The following TCF4 variants were observed in gnomAD, a reference collection of about 807,000 sequenced individuals.
The protein encoded by TCF4 is transcription factor 4, also known as SL3-3 enhancer factor 2.
Under a neutral mutation model 82.1 loss-of-function variants are expected in TCF4, and 3 were observed. That is an observed-to-expected ratio of 0.04 (90% CI 0.02 to 0.09). The LOEUF (loss-of-function observed/expected upper bound fraction) is 0.09, where lower values mean the gene tolerates loss of function less well. Among genes scored for constraint, TCF4 ranks in the 10% least tolerant of loss-of-function variants. TCF4 has a pLI of 1.00. For synonymous variants in TCF4, 276 were observed against 309.6 expected, an observed-to-expected ratio of 0.89 and a Z score of 1.14; for missense variants, 518 against 852.7, an observed-to-expected ratio of 0.61 and a Z score of 4.89.
intron 5 of TCF4, among the ~76,000 whole-genome samples, chr18:55,430,525 G>A (rs2095155844): frequency 6.6e-6 from 1 of 152,116 alleles, no homozygotes; most frequent in South Asian, 2.1e-4. Flanking sequence ...AGATACATGG[G>A]TGACCCAAGA....
intron 6 of TCF4, among the ~76,000 whole-genome samples, chr18:55,390,448 C>T (rs956831899): frequency 6.6e-6 from 1 of 151,678 alleles, no homozygotes; most frequent in African/African-American, 2.4e-5. Context: ...CTACTGAACA[C>T]AGAAAGTCAG....
chr18:55,485,306 T>C (rs1182098269), intron 3 of TCF4, among the ~76,000 whole-genome samples: 5 of 152,118 alleles, frequency 3.3e-5, no homozygotes, highest in Non-Finnish European at 7.4e-5. Context: ...GCTGAAAACA[T>C]CCTAAAATAA....
At chr18:55,349,753 G>A (rs2081953949) in intron 8 of TCF4, among the ~76,000 whole-genome samples, 2 of 151,918 alleles carry the variant, frequency 1.3e-5, no homozygotes, top group Admixed American at 6.6e-5. Flanking sequence ...GGACCTGGGG[G>A]TGGGTGGGGG....
intron 3 of TCF4, among the ~76,000 whole-genome samples, chr18:55,574,024 G>A (rs1424266764): frequency 2.0e-5 from 3 of 151,994 alleles, no homozygotes; most frequent in East Asian, 3.9e-4. Context: ...AGAAGTAAAT[G>A]AGTACCATCT....
intron 3 of TCF4, among the ~76,000 whole-genome samples, chr18:55,504,856 G>A (rs946545523): frequency 2.0e-5 from 3 of 152,032 alleles, no homozygotes; most frequent in Non-Finnish European, 4.4e-5. Context: ...CAGAAAAACC[G>A]TAATTCAAAT....
chr18:55,635,918 A>T, exon 1 of TCF4: 1 of 1,574,994 alleles, frequency 6.3e-7, no homozygotes, highest in Non-Finnish European at 8.6e-7. Flanking sequence ...CTTTGGCCGC[A>T]TAAGTGCCAA....
chr18:55,434,298 T>C (rs1005369257), intron 5 of TCF4, among the ~76,000 whole-genome samples: 1 of 152,216 alleles, frequency 6.6e-6, no homozygotes, highest in African/African-American at 2.4e-5. Flanking sequence ...ATGTAGAATT[T>C]TTTTGTTTGC....
chr18:55,422,625 T>C, intron 5 of TCF4: 1 of 302,924 alleles, frequency 3.3e-6, no homozygotes, highest in Non-Finnish European at 4.8e-6. Context: ...TTAGTGTGTG[T>C]GTGTGTTTTT....
At chr18:55,414,242 A>G (rs548647549) in intron 5 of TCF4, among the ~76,000 whole-genome samples, 20 of 152,352 alleles carry the variant, frequency 1.3e-4, no homozygotes, top group Admixed American at 3.3e-4. Flanking sequence ...ACTATTAAGT[A>G]AAAATTTATA....
chr18:55,444,586 G>T (rs2095494443), intron 5 of TCF4, among the ~76,000 whole-genome samples: 7 of 152,120 alleles, frequency 4.6e-5, no homozygotes, highest in Admixed American at 4.6e-4. Flanking sequence ...AGTATTTCAG[G>T]CTGACAGCTA....
chr18:55,507,559 G>A (rs573051815), intron 3 of TCF4, among the ~76,000 whole-genome samples: 32 of 152,032 alleles, frequency 2.1e-4, no homozygotes, highest in African/African-American at 7.7e-4. Flanking sequence ...AAGGGGGGCG[G>A]GGGGACTACT....
chr18:55,235,210 G>A (rs1486003986), intron 15 of TCF4, among the ~76,000 whole-genome samples: 2 of 151,882 alleles, frequency 1.3e-5, no homozygotes, highest in Non-Finnish European at 2.9e-5. Context: ...CACAGCCTCT[G>A]CTTGGTACAA....
intron 3 of TCF4, among the ~76,000 whole-genome samples, chr18:55,505,341 A>G (rs2096742667): frequency 6.6e-6 from 1 of 152,226 alleles, no homozygotes; most frequent in South Asian, 2.1e-4. Flanking sequence ...TTATTATATT[A>G]CTATCAACAA....
intron 11 of TCF4, chr18:55,267,227 T>C (rs2059386306): frequency 6.6e-6 from 1 of 152,194 alleles, no homozygotes; most frequent in South Asian, 2.1e-4. Flanking sequence ...TTGCCAATTA[T>C]TTAATTAGCT....
chr18:55,317,533 G>A (rs1285430649), intron 8 of TCF4, among the ~76,000 whole-genome samples: 1 of 151,758 alleles, frequency 6.6e-6, no homozygotes, highest in African/African-American at 2.4e-5. Flanking sequence ...GTGAGGTTTG[G>A]GGGGAAAAAA....
At chr18:55,616,577 A>C (rs571815956) in intron 2 of TCF4, among the ~76,000 whole-genome samples, 68 of 152,212 alleles carry the variant, frequency 4.5e-4, no homozygotes, top group African/African-American at 1.4e-3. Context: ...TTACCATCCC[A>C]CCAACAGTGC....
At chr18:55,488,320 A>T (rs2096539140) in intron 3 of TCF4, among the ~76,000 whole-genome samples, 1 of 152,186 alleles carries the variant, frequency 6.6e-6, no homozygotes, top group Non-Finnish European at 1.5e-5. Context: ...AAGCAAAGAG[A>T]TGTATACATT....
At chr18:55,507,800 A>G (rs2096779745) in intron 3 of TCF4, among the ~76,000 whole-genome samples, 1 of 152,140 alleles carries the variant, frequency 6.6e-6, no homozygotes, top group South Asian at 2.1e-4. Flanking sequence ...TGCTGGGAGT[A>G]ATCTATCAAG....
At chr18:55,606,576 T>C (rs1399601521) in intron 2 of TCF4, among the ~76,000 whole-genome samples, 2 of 152,234 alleles carry the variant, frequency 1.3e-5, no homozygotes, top group Non-Finnish European at 1.5e-5. Context: ...AATTATTTTG[T>C]CAACCCAAAG....
Sources: gnomAD v4.1 joint callset for allele counts (sites outside exome capture counted in the v4.1 genomes callset) on GRCh38, gnomAD v4.1.1 for gene constraint, MANE v1.5 for transcripts, NCBI Gene and HGNC (gene_info 2026-07-23, HGNC 2026-07-21) for gene names.